Variants in TENM4 observed in about 807,000 individuals in gnomAD.
TENM4 encodes the protein teneurin transmembrane protein 4.
A neutral mutation model predicts 243.3 loss-of-function variants in TENM4; 82 were observed. The observed-to-expected ratio is 0.34, with a 90% CI of 0.28 to 0.40. The LOEUF is 0.40. Ranked by LOEUF, TENM4 falls within the 10% of genes least tolerant of loss-of-function variation. The pLI is 1.00. For missense variants in TENM4, 3,138 were observed against 3,673.3 expected (o/e 0.85, Z 3.77); for synonymous variants, 1,412 against 1,456.3 (o/e 0.97, Z 0.69).
At chr11:79,064,336 G>C (rs1172505245) in intron 6 of TENM4, among the ~76,000 whole-genome samples, 2 of 152,162 alleles carry the variant, frequency 1.3e-5, no homozygotes, top group Non-Finnish European at 2.9e-5. Flanking sequence ...CCTAGAGGTT[G>C]CCCAGGACAG....
At position 79,347,209 on chromosome 11, in the gene TENM4, G is replaced by C. The variant is rs1196540984; in HGVS notation, c.-320-49666C>G. 2.0e-5 allele frequency among the ~76,000 whole-genome samples: 3 copies of C among 152,174 alleles called. No individual in the cohort carries two copies. In the East Asian group the frequency reaches 5.8e-4, roughly 29 times the overall value. Reference sequence around the variant, plus strand: ...AACATGCAGGCCACGTCAAAAATGTGTCTGCTACATAAATAAAGCTTCCAG... The same window carrying C: ...AACATGCAGGCCACGTCAAAAATGTCTCTGCTACATAAATAAAGCTTCCAG... On this transcript the variant is annotated intron_variant, in intron 1 of 33. Transcript: ENST00000278550.
intron 3 of TENM4, among the ~76,000 whole-genome samples, chr11:79,199,552 T>G (rs1447870689): frequency 6.6e-6 from 1 of 152,212 alleles, no homozygotes; most frequent in African/African-American, 2.4e-5. Flanking sequence ...ATATGGGACT[T>G]TTTGGAACAA....
intron 6 of TENM4, among the ~76,000 whole-genome samples, chr11:79,006,097 G>A (rs944285995): frequency 2.6e-5 from 4 of 152,230 alleles, no homozygotes; most frequent in Non-Finnish European, 5.9e-5. Flanking sequence ...ATGGCCTACA[G>A]TAGCCAGGTG....
At chr11:78,801,701 A>C (rs984548402) in intron 15 of TENM4, among the ~76,000 whole-genome samples, 1 of 152,142 alleles carries the variant, frequency 6.6e-6, no homozygotes, top group African/African-American at 2.4e-5. Flanking sequence ...CCCTCCTAGG[A>C]GGCAGCAGGC....
Position 79,143,737 on chromosome 11 carries a change from G to A in TENM4, c.-66+4973C>T, listed in dbSNP as rs546418227. ...TAAATAAATGGTGCTGGGAAAACAA[G>A]GTATCCATATGCAGAAGAATGAAAC... is the stretch of plus-strand genomic sequence containing the variant. On this transcript the variant is annotated intron_variant, in intron 4 of 33. Coordinates refer to ENST00000278550, the MANE Select transcript of TENM4 (RefSeq NM_001098816.3). 1.7e-4 allele frequency among the ~76,000 whole-genome samples: 26 copies of A among 151,526 alleles called. No individual in the cohort carries two copies. In the South Asian group the frequency reaches 5.5e-3, roughly 32 times the overall value.
chr11:78,722,658 C>T lies in TENM4; in HGVS notation c.3800+10G>A, dbSNP rs760683544. 6 of 1,609,570 alleles carry T rather than the reference C, an allele frequency of 3.7e-6. No individual in the cohort carries two copies. The highest frequency in any genetic ancestry group is 5.1e-6 in the Non-Finnish European group (6 of 1,176,408). On this transcript the variant is annotated intron_variant, in intron 24 of 33. Transcript: ENST00000278550. Reference sequence around the variant, plus strand: ...ATTAGGAACTATGAAGAAAGCATCACCTTACATACCTCAGCTCTAGGATGT... The same window carrying T: ...ATTAGGAACTATGAAGAAAGCATCATCTTACATACCTCAGCTCTAGGATGT...
At chr11:78,768,224 C>T (rs149144501) in intron 18 of TENM4, among the ~76,000 whole-genome samples, 1 of 152,368 alleles carries the variant, frequency 6.6e-6, no homozygotes, top group Admixed American at 6.5e-5. Flanking sequence ...GGACAGCCCA[C>T]TGAACTGAGA....
chr11:78,978,722 CT>C (rs1857723778), intron 6 of TENM4, among the ~76,000 whole-genome samples: 1 of 152,042 alleles, frequency 6.6e-6, no homozygotes, highest in Admixed American at 6.5e-5. Flanking sequence ...GTTTTTGTTT[CT>C]TGTAACCAAA....
At chr11:78,927,241 A>G (rs769462972) in intron 6 of TENM4, among the ~76,000 whole-genome samples, 3 of 152,126 alleles carry the variant, frequency 2.0e-5, no homozygotes, top group Non-Finnish European at 4.4e-5. Context: ...TTTTTAACTG[A>G]TATATTTTTG....
chr11:78,788,541 C>CA (rs144770204), intron 15 of TENM4, among the ~76,000 whole-genome samples: 2,155 of 152,358 alleles, frequency 0.014, 45 homozygotes, highest in African/African-American at 0.048. Context: ...CTGGTCCTGT[C>CA]AGACAGTTCC....
chr11:78,662,208 T>C (rs1472864226), intron 32 of TENM4, among the ~76,000 whole-genome samples: 2 of 151,712 alleles, frequency 1.3e-5, no homozygotes. Context: ...TTTTTTTTTT[T>C]TGAGATGGAG....
chr11:78,720,703 T>C (rs1182869549), intron 24 of TENM4, among the ~76,000 whole-genome samples: 1 of 152,184 alleles, frequency 6.6e-6, no homozygotes, highest in East Asian at 1.9e-4. Context: ...ATTGGAATAG[T>C]GGATTCTCTC....
At chr11:79,423,404 C>T (rs973498428) in intron 1 of TENM4, among the ~76,000 whole-genome samples, 23 of 151,946 alleles carry the variant, frequency 1.5e-4, no homozygotes, top group African/African-American at 3.9e-4. Context: ...TGGTCTGACT[C>T]GTAGCCTGTG....
At chr11:79,262,940 T>G (rs1855823239) in intron 2 of TENM4, among the ~76,000 whole-genome samples, 1 of 152,244 alleles carries the variant, frequency 6.6e-6, no homozygotes, top group Non-Finnish European at 1.5e-5. Context: ...CAGTGCATGC[T>G]ATCTCTCTCC....
intron 4 of TENM4, among the ~76,000 whole-genome samples, chr11:79,128,423 C>T (rs1040977308): frequency 1.3e-5 from 2 of 152,130 alleles, no homozygotes; most frequent in African/African-American, 2.4e-5. Context: ...ATGGTATATA[C>T]GTGATTGGGC....
At chr11:79,169,298 T>C (rs1441768491) in intron 3 of TENM4, among the ~76,000 whole-genome samples, 1 of 152,240 alleles carries the variant, frequency 6.6e-6, no homozygotes, top group Non-Finnish European at 1.5e-5. Flanking sequence ...CATCTGTGAA[T>C]TAAGCCCAGA....
At position 79,107,141 on chromosome 11, in the gene TENM4, A is replaced by T. The variant is rs571593379; in HGVS notation, c.-65-37132T>A. Among the ~76,000 whole-genome samples the T allele has an allele frequency of 4.6e-3, 695 of 152,262 alleles. 3 individuals are homozygous for T. The highest frequency in any genetic ancestry group is 8.3e-3 in the Non-Finnish European group (568 of 68,026). On this transcript the variant is annotated intron_variant, in intron 4 of 33. Transcript: ENST00000278550. ...TTAACTTGCTCACGGTTCTATTTCT[A>T]GTAAATGGGCAGAGCTGGGATCTGA...
At chr11:79,321,788 T>C (rs1462015319) in intron 1 of TENM4, among the ~76,000 whole-genome samples, 1 of 152,200 alleles carries the variant, frequency 6.6e-6, no homozygotes, top group African/African-American at 2.4e-5. Flanking sequence ...ATCCCTATCT[T>C]AGCTAGTTTG....
rs1223434505 is a variant in TENM4, at chr11:79,438,167, A to T, written c.-321+2342T>A. ...CATCTCCTGACTGCGGGCTGGGGGG[A>T]AGGGAGTTCAGGGCCAATGTGTCCC... is the stretch of plus-strand genomic sequence containing the variant. On this transcript the variant is annotated intron_variant, in intron 1 of 33. Coordinates refer to ENST00000278550, the MANE Select transcript of TENM4 (RefSeq NM_001098816.3). This position sits in a 1 kb window ranked among gnomAD's most constrained non-coding sequence, Gnocchi z 4.1. Among the ~76,000 whole-genome samples, 1 of 151,910 alleles carries T rather than the reference A, an allele frequency of 6.6e-6. No individual in the cohort carries two copies. The highest frequency in any genetic ancestry group is 2.4e-5 in the African/African-American group (1 of 41,346).
Sources: gnomAD v4.1 joint callset for allele counts (sites outside exome capture counted in the v4.1 genomes callset) on GRCh38, gnomAD v4.1.1 for gene constraint, Gnocchi (gnomAD v3.1) non-coding constraint, MANE v1.5 for transcripts, NCBI Gene and HGNC (gene_info 2026-07-23, HGNC 2026-07-21) for gene names.